The following EPB41L2 variants were observed in gnomAD, a reference collection of about 807,000 sequenced individuals.
EPB41L2 encodes the protein band 4.1-like protein 2.
EPB41L2 carries 43 observed loss-of-function variants against 113.0 expected under a neutral mutation model. The observed-to-expected ratio is 0.38, with a 90% confidence interval of 0.30 to 0.49. The LOEUF is 0.49. Among genes scored for constraint, EPB41L2 ranks in the 20% least tolerant of loss-of-function variants. EPB41L2 has a pLI of 0.95. For missense variants in EPB41L2, 1,147 were observed against 1,223.4 expected (o/e 0.94, Z 0.93); for synonymous variants, 442 against 436.7 (o/e 1.01, Z -0.15).
At chr6:131,036,624 A>G (rs17785507) in intron 1 of EPB41L2, among the ~76,000 whole-genome samples, 51,381 of 152,000 alleles carry the variant, frequency 0.34, 8,877 homozygotes, top group Non-Finnish European at 0.38. Flanking sequence ...AAAGTCCCCT[A>G]AAGTCTCTAG....
At chr6:130,993,531 G>C (rs961946058) in intron 1 of EPB41L2, among the ~76,000 whole-genome samples, 3 of 152,186 alleles carry the variant, frequency 2.0e-5, no homozygotes, top group African/African-American at 7.2e-5. Flanking sequence ...AAGAGGATGG[G>C]GCAGGGGTTT....
intron 1 of EPB41L2, among the ~76,000 whole-genome samples, chr6:130,981,790 T>A (rs1266938005): frequency 6.6e-6 from 1 of 152,172 alleles, no homozygotes; most frequent in Admixed American, 6.5e-5. Flanking sequence ...AAATAGCATG[T>A]CCATTTAAAT....
chr6:130,938,836 A>T (rs1809803343), intron 3 of EPB41L2, among the ~76,000 whole-genome samples: 1 of 152,194 alleles, frequency 6.6e-6, no homozygotes, highest in Non-Finnish European at 1.5e-5. Flanking sequence ...CATTCACTCA[A>T]ACTGCTGATC....
chr6:130,938,048 G>A (rs1809492307), intron 3 of EPB41L2, among the ~76,000 whole-genome samples: 1 of 152,160 alleles, frequency 6.6e-6, no homozygotes, highest in African/African-American at 2.4e-5. Context: ...TAGAAGACAA[G>A]TTACAATGCA....
At chr6:130,950,646 T>A (rs984113095) in intron 3 of EPB41L2, among the ~76,000 whole-genome samples, 1 of 152,182 alleles carries the variant, frequency 6.6e-6, no homozygotes, top group East Asian at 1.9e-4. Context: ...ATCCAAGGCT[T>A]TTCTAGGTAA....
chr6:130,847,282 C>T (rs1430389986), intron 19 of EPB41L2, among the ~76,000 whole-genome samples: 1 of 152,168 alleles, frequency 6.6e-6, no homozygotes, highest in African/African-American at 2.4e-5. Context: ...TCTTGTTTGG[C>T]CAATCAGAAG....
intron 1 of EPB41L2, among the ~76,000 whole-genome samples, chr6:130,999,536 G>A (rs1180008982): frequency 3.9e-5 from 6 of 152,096 alleles, no homozygotes; most frequent in South Asian, 2.1e-4. Flanking sequence ...ATCTCATGTC[G>A]TCTTTTAAGA....
chr6:130,890,625 C>A (rs1279992826), intron 10 of EPB41L2, among the ~76,000 whole-genome samples, 159 bp from the exon 11 acceptor site: 2 of 152,110 alleles, frequency 1.3e-5, no homozygotes, highest in Non-Finnish European at 2.9e-5. Flanking sequence ...TATTTATAAA[C>A]CCTCCTACAC....
At position 130,880,146 on chromosome 6, in the gene EPB41L2, C is replaced by G. The variant is rs752959908; in HGVS notation, c.1894G>C (p.Glu632Gln). The change falls in exon 13 of 20, where the codon GAG (glutamate) becomes CAG (glutamine). Residue 632 changes from glutamate (E) to glutamine (Q), a missense_variant and splice_region_variant. Transcript: ENST00000337057. Reference sequence around the variant, plus strand: ...TTGTTTTCTTAGATTATACAAACCTCCAACATTAAATTGCTATGTCTGACA... The same window carrying G: ...TTGTTTTCTTAGATTATACAAACCTGCAACATTAAATTGCTATGTCTGACA... ...IYVRHSNLML[E>Q]ELDKAQEDIL... 3.7e-6 allele frequency: 6 copies of G among 1,605,892 alleles called. No individual in the cohort carries two copies. Among genetic ancestry groups the G allele is most frequent in the Admixed American group, 1.7e-5 (1 of 59,972 alleles).
rs1554340459 is a variant in EPB41L2 at position 131,023,729 on chromosome 6, G to GTA, written c.-15+39424_-15+39425dup. Among the ~76,000 whole-genome samples the GTA allele has an allele frequency of 9.8e-4, 117 of 119,358 alleles. 2 individuals carry two copies. The highest frequency in any genetic ancestry group is 1.8e-3 in the Non-Finnish European group (103 of 55,920). The allele number at this position is 119,358 out of a possible 152,430, so 78.3% of individuals were successfully genotyped here. Reference sequence around the variant, plus strand: ...AAAATGTGTGCGTGTGTGTGTGTGTGTATATATATCTATATATCTATATAT... The same window carrying GTA: ...AAAATGTGTGCGTGTGTGTGTGTGTGTATATATATATCTATATATCTATATAT... On this transcript the variant is annotated intron_variant, in intron 1 of 19. Transcript: ENST00000337057.
intron 1 of EPB41L2, chr6:131,014,037 CAAAT>C (rs1319139903): frequency 7.2e-6 from 1 of 138,146 alleles, no homozygotes; most frequent in African/African-American, 2.7e-5. Context: ...TGCCATGTTT[CAAAT>C]AAATAGTTAA....
At chr6:131,038,315 G>A (rs1793767600) in intron 1 of EPB41L2, among the ~76,000 whole-genome samples, 1 of 151,828 alleles carries the variant, frequency 6.6e-6, no homozygotes, top group South Asian at 2.1e-4. Context: ...GTCTTATATG[G>A]GACAATCCAG....
At chr6:130,955,402 AT>A in intron 2 of EPB41L2, 85 bp from the exon 3 acceptor site, 1 of 1,283,912 alleles carries the variant, frequency 7.8e-7, no homozygotes, top group Non-Finnish European at 1.1e-6. Flanking sequence ...TTTCATAAGA[AT>A]TAGGATCGTT....
intron 4 of EPB41L2, among the ~76,000 whole-genome samples, chr6:130,916,201 T>G (rs1801004946): frequency 6.6e-6 from 1 of 152,210 alleles, no homozygotes; most frequent in Non-Finnish European, 1.5e-5. Flanking sequence ...ACAGAATTTT[T>G]TTTAAACTAA....
chr6:131,045,719 G>C (rs184352211), intron 1 of EPB41L2, among the ~76,000 whole-genome samples: 1 of 152,034 alleles, frequency 6.6e-6, no homozygotes, highest in African/African-American at 2.4e-5. Context: ...CAGCTTACTC[G>C]GTTTCCCTAT....
chr6:130,930,046 A>G (rs1026736207), intron 3 of EPB41L2, among the ~76,000 whole-genome samples: 1 of 152,118 alleles, frequency 6.6e-6, no homozygotes, highest in African/African-American at 2.4e-5. Flanking sequence ...TACACCACTC[A>G]TTCCCAAAAA....
chr6:130,873,799 G>A (rs897821926), intron 14 of EPB41L2, among the ~76,000 whole-genome samples: 10 of 152,088 alleles, frequency 6.6e-5, no homozygotes, highest in Non-Finnish European at 8.8e-5. Context: ...AATCAATGAC[G>A]CTCCTAAGGG....
intron 1 of EPB41L2, among the ~76,000 whole-genome samples, chr6:130,962,077 C>G (rs891373166): frequency 3.3e-5 from 5 of 152,116 alleles, no homozygotes; most frequent in Admixed American, 2.6e-4. Flanking sequence ...TGTATGTTCA[C>G]CTCCCCGAAG....
intron 1 of EPB41L2, among the ~76,000 whole-genome samples, chr6:130,990,827 ATTT>A (rs201343428): frequency 2.2e-5 from 3 of 136,810 alleles, no homozygotes; most frequent in Non-Finnish European, 4.7e-5. Flanking sequence ...TATACAGGTA[ATTT>A]TTTTTTTTTT....
Sources: allele counts gnomAD v4.1 joint callset (sites outside exome capture counted in the v4.1 genomes callset), GRCh38; gene constraint gnomAD v4.1.1; transcripts MANE v1.5; gene names NCBI Gene and HGNC (gene_info 2026-07-23, HGNC 2026-07-21).